Variants in MYOF observed in about 807,000 individuals in gnomAD.
MYOF encodes the protein myoferlin.
MYOF carries 244 observed loss-of-function variants against 284.2 expected under a neutral mutation model. The ratio of observed to expected loss-of-function variants is 0.86; its 90% CI spans 0.77 to 0.95. MYOF has a LOEUF of 0.95. MYOF is among the 40% of genes least tolerant of loss of function. The probability of loss-of-function intolerance (pLI) is 0.00; values close to 1 mark genes in which losing one functional copy is unlikely to be tolerated. For missense variants in MYOF, 2,496 were observed against 2,560.6 expected (o/e 0.97, Z 0.54); for synonymous variants, 904 against 919.7 (o/e 0.98, Z 0.31).
intron 42 of MYOF, 24 bp from the exon 43 acceptor site, chr10:93,333,336 GTT>G (rs1384285373): frequency 6.3e-7 from 1 of 1,593,982 alleles, no homozygotes; most frequent in Non-Finnish European, 8.6e-7. Context: ...TAGACGGGAT[GTT>G]ACATCATTGT....
chr10:93,392,308 A>G (rs111736585), intron 17 of MYOF, among the ~76,000 whole-genome samples: 2 of 152,180 alleles, frequency 1.3e-5, no homozygotes, highest in African/African-American at 4.8e-5. Flanking sequence ...AATCATGCTT[A>G]TCTGACAGAT....
intron 1 of MYOF, among the ~76,000 whole-genome samples, chr10:93,478,564 C>T (rs2057316751): frequency 1.3e-5 from 2 of 151,944 alleles, no homozygotes; most frequent in Admixed American, 6.6e-5. Flanking sequence ...CAACTGGGCG[C>T]TCATACCTGT....
intron 24 of MYOF, 63 bp downstream of exon 24, chr10:93,372,867 C>A: frequency 6.3e-7 from 1 of 1,576,978 alleles, no homozygotes; most frequent in Non-Finnish European, 8.7e-7. Flanking sequence ...ATAAAGCAGA[C>A]CCTTCTCAGG....
In MYOF at chr10:93,306,754, T is replaced by C. The variant is rs1021370037; in HGVS notation, c.*209A>G. 6 of 513,894 alleles carry C rather than the reference T, an allele frequency of 1.2e-5. No homozygotes were observed. Among genetic ancestry groups the C allele is most frequent in the African/African-American group, 1.0e-4 (5 of 49,864 alleles). 31.8% of individuals were successfully genotyped at this position (513,894 alleles called of 1,614,324 possible). A position where few individuals can be genotyped will look rare whatever the true frequency, so the allele number is the denominator to read the frequency against. ...ATTTAAACTTTAGAAAATAAAACTT[T>C]TAATACTTAAGAGATAACATGATGC... On this transcript the variant is annotated 3_prime_UTR_variant, in exon 54 of 54. Coordinates refer to ENST00000359263, the MANE Select transcript of MYOF (RefSeq NM_013451.4).
chr10:93,358,927 T>C (rs1057394524), intron 29 of MYOF, among the ~76,000 whole-genome samples: 1 of 152,018 alleles, frequency 6.6e-6, no homozygotes, highest in Non-Finnish European at 1.5e-5. Context: ...GTACTGCACA[T>C]GTATCTCGGA....
At chr10:93,441,929 T>A (rs1179570492) in intron 3 of MYOF, among the ~76,000 whole-genome samples, 1 of 151,474 alleles carries the variant, frequency 6.6e-6, no homozygotes, top group Non-Finnish European at 1.5e-5. Flanking sequence ...TATATCCTTT[T>A]CCTTTAATTC....
At chr10:93,320,077 G>C (rs1367639980) in intron 48 of MYOF, 64 bp from the exon 49 acceptor site, 2 of 1,588,114 alleles carry the variant, frequency 1.3e-6, no homozygotes, top group African/African-American at 1.3e-5. Flanking sequence ...CCGCAAAATT[G>C]TGCAGTAATT....
intron 13 of MYOF, 44 bp from the exon 14 acceptor site, chr10:93,397,500 A>G: frequency 6.7e-7 from 1 of 1,497,006 alleles, no homozygotes; most frequent in South Asian, 1.2e-5. Flanking sequence ...CAAGTTTCTA[A>G]TTTCTAAAAG....
At chr10:93,311,127 ATGAATGAATGAG>A (rs1285513952) in intron 51 of MYOF, among the ~76,000 whole-genome samples, 1 of 152,214 alleles carries the variant, frequency 6.6e-6, no homozygotes, top group Non-Finnish European at 1.5e-5. Flanking sequence ...AGCTCAATAA[ATGAATGAATGAG>A]TGAGTGAATG....
intron 20 of MYOF, 59 bp downstream of exon 20, chr10:93,381,160 C>T: frequency 1.3e-6 from 2 of 1,564,454 alleles, no homozygotes; most frequent in Non-Finnish European, 1.8e-6. Context: ...GTGCTTGCTT[C>T]CGGTCCCGTG....
chr10:93,406,288 T>TTATACATATA lies in MYOF; in HGVS notation c.730-2070_730-2069insTATATGTATA, dbSNP rs1554855589. Among the ~76,000 whole-genome samples, 4 of 58,146 alleles carry TTATACATATA rather than the reference T, an allele frequency of 6.9e-5. 1 individual carries two copies. Among genetic ancestry groups the TTATACATATA allele is most frequent in the Admixed American group, 2.8e-4 (1 of 3,598 alleles). The allele number at this position is 58,146 out of a possible 152,430, so 38.1% of individuals were successfully genotyped here. On this transcript the variant is annotated intron_variant, in intron 7 of 53. Transcript: ENST00000359263. ...TAGAAATTTTTTTAGTAAACCTCTT[T>TTATACATATA]TATATATATATATATATATATATAT... is the stretch of plus-strand genomic sequence containing the variant.
chr10:93,386,502 C>T (rs941868656), intron 19 of MYOF, among the ~76,000 whole-genome samples: 3 of 152,180 alleles, frequency 2.0e-5, no homozygotes, highest in African/African-American at 4.8e-5. Flanking sequence ...ACGGATGCCC[C>T]GTGGCTTGCT....
At chr10:93,381,493 G>C in intron 19 of MYOF, 97 bp from the exon 20 acceptor site, 1 of 1,240,518 alleles carries the variant, frequency 8.1e-7, no homozygotes, top group Non-Finnish European at 1.1e-6. Flanking sequence ...CTAATAATTA[G>C]TGCTGAATTA....
chr10:93,328,836 G>A lies in MYOF; in HGVS notation c.5058C>T (p.Phe1686=). ...LLQNVARFKG[F]PQPILSEDGS... ...CATCTTCGGAAAGGATGGGTTGTGGGAAGCCTTTGAATCTGGCGACATTTT... is the reference window on the plus strand; with the variant it reads ...CATCTTCGGAAAGGATGGGTTGTGGAAAGCCTTTGAATCTGGCGACATTTT... Residue 1686 remains phenylalanine, a synonymous_variant, in exon 45 of 54, where the codon TTC becomes TTT. Transcript: ENST00000359263. The A allele has an allele frequency of 6.2e-7, 1 of 1,613,684 alleles. No homozygotes were observed. The highest frequency in any genetic ancestry group is 8.5e-7 in the Non-Finnish European group (1 of 1,179,686).
intron 17 of MYOF, among the ~76,000 whole-genome samples, chr10:93,389,776 A>G (rs191662196): frequency 7.9e-5 from 12 of 152,230 alleles, no homozygotes; most frequent in African/African-American, 2.9e-4. Flanking sequence ...TAGCAAGACA[A>G]CTCCTCAATG....
intron 49 of MYOF, among the ~76,000 whole-genome samples, chr10:93,319,655 A>G (rs1436660952): frequency 6.6e-6 from 1 of 151,980 alleles, no homozygotes; most frequent in Non-Finnish European, 1.5e-5. Flanking sequence ...ATGTGAGGGG[A>G]AAGAAAGTTG....
chr10:93,360,820 G>A (rs1465925673), intron 28 of MYOF, among the ~76,000 whole-genome samples: 2 of 152,178 alleles, frequency 1.3e-5, no homozygotes, highest in Admixed American at 6.5e-5. Flanking sequence ...AGGTTATGGG[G>A]TGTGGTTAGA....
chr10:93,427,355 A>G (rs1447050153), intron 4 of MYOF, among the ~76,000 whole-genome samples: 1 of 151,226 alleles, frequency 6.6e-6, no homozygotes, highest in African/African-American at 2.4e-5. Context: ...ACACAGTAAA[A>G]CCCCATCTCT....
chr10:93,328,987 T>A, intron 44 of MYOF, 76 bp from the exon 45 acceptor site: 1 of 1,479,904 alleles, frequency 6.8e-7, no homozygotes, highest in Non-Finnish European at 9.2e-7. Flanking sequence ...TACATGCTCA[T>A]GTACTCTTAG....
Sources: gnomAD v4.1 joint callset for allele counts (sites outside exome capture counted in the v4.1 genomes callset) on GRCh38, gnomAD v4.1.1 for gene constraint, MANE v1.5 for transcripts, NCBI Gene and HGNC (gene_info 2026-07-23, HGNC 2026-07-21) for gene names.